ABCB4: variants seen among roughly 807,000 people sequenced by gnomAD.
ABCB4 encodes the protein phosphatidylcholine translocator ABCB4.
Under a neutral mutation model 145.7 loss-of-function variants are expected in ABCB4, and 76 were observed. The ratio of observed to expected loss-of-function variants is 0.52; its 90% CI spans 0.43 to 0.63. The LOEUF (loss-of-function observed/expected upper bound fraction) is 0.63, where lower values mean the gene tolerates loss of function less well. Ranked by LOEUF, ABCB4 falls within the 30% of genes least tolerant of loss-of-function variation. The pLI, the probability that ABCB4 is intolerant of heterozygous loss-of-function variation, is 0.00. For missense variants in ABCB4, 1,234 were observed against 1,553.1 expected, an observed-to-expected ratio of 0.79 and a Z score of 3.45; for synonymous variants, 517 against 566.8, an observed-to-expected ratio of 0.91 and a Z score of 1.25.
chr7:87,377,246 T>C, the ABCB4 span: 3 of 631,468 alleles, frequency 4.8e-6, no homozygotes, highest in Non-Finnish European at 8.1e-6. Context: ...TTAAATTTGG[T>C]TGACGTGAAG....
chr7:87,434,499 C>T (rs973801985), intron 14 of ABCB4, among the ~76,000 whole-genome samples: 1 of 151,898 alleles, frequency 6.6e-6, no homozygotes, highest in Non-Finnish European at 1.5e-5. Context: ...CCTGTAATCC[C>T]AGAACTTTGG....
chr7:87,473,210 C>T (rs768624383), intron 2 of ABCB4, among the ~76,000 whole-genome samples: 2 of 152,338 alleles, frequency 1.3e-5, no homozygotes, highest in South Asian at 4.1e-4. Flanking sequence ...TTTCAAAATG[C>T]CAAGCCATAC....
chr7:87,369,312 A>G, the ABCB4 span: 1 of 1,014,282 alleles, frequency 9.9e-7, no homozygotes, highest in South Asian at 1.5e-5. Context: ...TCTATTGGAT[A>G]TATGCATCTT....
the ABCB4 span, among the ~76,000 whole-genome samples, chr7:87,388,593 AC>A: frequency 2.0e-5 from 3 of 152,176 alleles, no homozygotes; most frequent in Admixed American, 6.5e-5. Flanking sequence ...CTGAAACTGG[AC>A]CCCTTCCTTA....
downstream of ABCB4, among the ~76,000 whole-genome samples, chr7:87,400,664 A>C (rs1365129776): frequency 1.3e-5 from 2 of 152,224 alleles, no homozygotes; most frequent in Non-Finnish European, 2.9e-5. Context: ...CCAAATTTGA[A>C]CACCAGAAAT....
chr7:87,418,534 T>C lies in ABCB4; in HGVS notation c.2478+3A>G. ...AACTACAAGTAGAGTGCAGTCTACC[T>C]ACTCCTTGGACTTGGGCAGCATCTG... On this transcript the variant is annotated splice_donor_region_variant and intron_variant, in intron 20 of 27. Coordinates refer to ENST00000649586, the MANE Select transcript of ABCB4 (RefSeq NM_000443.4). 2 of 1,613,960 alleles carry C rather than the reference T, an allele frequency of 1.2e-6. No individual in the cohort carries two copies. The highest frequency in any genetic ancestry group is 8.5e-7 in the Non-Finnish European group (1 of 1,179,794).
At chr7:87,445,595 C>A (rs530000614) in intron 9 of ABCB4, among the ~76,000 whole-genome samples, 71 of 151,646 alleles carry the variant, frequency 4.7e-4, no homozygotes, top group Non-Finnish European at 9.7e-4. Flanking sequence ...TTCAGGAATC[C>A]AGATTATTAG....
intron 27 of ABCB4, among the ~76,000 whole-genome samples, chr7:87,402,615 T>A (rs1388525159): frequency 6.6e-6 from 1 of 152,210 alleles, no homozygotes; most frequent in Non-Finnish European, 1.5e-5. Flanking sequence ...GCTAAAAATG[T>A]AATTTGTGCA....
At chr7:87,400,848 G>A (rs1807748969), downstream of ABCB4, among the ~76,000 whole-genome samples, 1 of 152,168 alleles carries the variant, frequency 6.6e-6, no homozygotes, top group South Asian at 2.1e-4. Context: ...AATGTGTAAT[G>A]AGTTGCGTAT....
chr7:87,402,115 G>T lies in ABCB4; in HGVS notation c.3821C>A (p.Ala1274Asp), dbSNP rs940938023. The change falls in exon 28 of 28, where the codon GCT (alanine) becomes GAT (aspartate). Residue 1274 changes from alanine to aspartate, a missense_variant. Physicochemically the swap from Ala to Asp is moderately radical, Grantham distance 126. Transcript: ENST00000649586. Reference protein sequence around the residue: ...GIYFSMVSVQAGTQNL With the variant: ...GIYFSMVSVQDGTQNL ...AAAAGTTCATAAGTTCTGTGTCCCA[G>T]CCTGGACACTGACCATTGAAAAATA... 10 of 1,613,900 alleles carry T rather than the reference G, an allele frequency of 6.2e-6. No individual in the cohort carries two copies. Among genetic ancestry groups the T allele is most frequent in the African/African-American group, 4.0e-5 (3 of 74,880 alleles).
In ABCB4 at chr7:87,424,041, C is replaced by A. The variant is rs984730250; in HGVS notation, c.2076G>T (p.Val692=). The change falls in exon 17 of 28, where the codon GTG becomes GTT. Residue 692 remains valine, a synonymous_variant. Transcript: ENST00000649586. ...DVETDGLEAN[V]PPVSFLKVLK... is the part of the protein sequence containing the mutation. ...GGACCTTCAGAAAGGACACTGGTGG[C>A]ACATTTGCTTCCTAGAACATATAAA... is the stretch of plus-strand genomic sequence containing the variant. The A allele has an allele frequency of 6.2e-6, 10 of 1,613,922 alleles. No individual in the cohort carries two copies. Among genetic ancestry groups the A allele is most frequent in the African/African-American group, 1.3e-5 (1 of 74,900 alleles).
the ABCB4 span, among the ~76,000 whole-genome samples, chr7:87,380,826 T>C: frequency 1.2e-4 from 19 of 152,198 alleles, no homozygotes; most frequent in Admixed American, 1.0e-3. Flanking sequence ...TTTGATAATA[T>C]CTGAAAATTC....
chr7:87,444,258 G>A (rs186146037), intron 10 of ABCB4, among the ~76,000 whole-genome samples: 6 of 152,294 alleles, frequency 3.9e-5, no homozygotes, highest in East Asian at 3.8e-4. Context: ...ATCAGAAACT[G>A]AGCACTTTTC....
chr7:87,385,074 A>T, the ABCB4 span, among the ~76,000 whole-genome samples: 1 of 149,468 alleles, frequency 6.7e-6, no homozygotes, highest in African/African-American at 2.5e-5. Context: ...TGCCAGTAAC[A>T]TGCTGTTTTG....
At chr7:87,414,817 G>T (rs554483677) in intron 21 of ABCB4, among the ~76,000 whole-genome samples, 15 of 152,220 alleles carry the variant, frequency 9.9e-5, no homozygotes, top group African/African-American at 3.4e-4. Flanking sequence ...AAATTACTGA[G>T]CTTTTACTAT....
intron 26 of ABCB4, among the ~76,000 whole-genome samples, chr7:87,404,103 T>A (rs899802208): frequency 5.3e-5 from 8 of 152,206 alleles, no homozygotes; most frequent in Non-Finnish European, 1.2e-4. Context: ...CTATTCACAG[T>A]CAAATCCAAT....
intron 26 of ABCB4, 190 bp downstream of exon 26, chr7:87,406,098 A>G (rs1219690264): frequency 4.7e-6 from 3 of 641,682 alleles, no homozygotes; most frequent in Non-Finnish European, 8.2e-6. Flanking sequence ...TTCTCACTAC[A>G]TTTGTATGAG....
At chr7:87,443,293 TG>T in intron 12 of ABCB4, 25 bp downstream of exon 12, 2 of 1,613,778 alleles carry the variant, frequency 1.2e-6, no homozygotes, top group Non-Finnish European at 8.5e-7. Flanking sequence ...CTTCCCACTC[TG>T]GAAAGCTTGG....
chr7:87,369,731 C>T, the ABCB4 span: 1 of 174,462 alleles, frequency 5.7e-6, no homozygotes, highest in African/African-American at 2.5e-5. Context: ...CATTCCCTGC[C>T]CCAGAATTAA....
Sources: allele counts gnomAD v4.1 joint callset (sites outside exome capture counted in the v4.1 genomes callset), GRCh38; gene constraint gnomAD v4.1.1; transcripts MANE v1.5; gene names NCBI Gene and HGNC (gene_info 2026-07-23, HGNC 2026-07-21).